Variants in LEF1 observed in about 807,000 individuals in gnomAD.
LEF1 encodes lymphoid enhancer binding factor 1.
In LEF1, 14 loss-of-function variants were observed where a neutral mutation model predicts 51.2. That is an observed-to-expected ratio of 0.27 (90% CI 0.18 to 0.43). The LOEUF (loss-of-function observed/expected upper bound fraction) is 0.43, where lower values mean the gene tolerates loss of function less well. Among genes scored for constraint, LEF1 ranks in the 20% least tolerant of loss-of-function variants. The pLI, the probability that LEF1 is intolerant of heterozygous loss-of-function variation, is 1.00. For missense variants in LEF1, 386 were observed against 512.0 expected (o/e 0.75, Z 2.37); for synonymous variants, 185 against 183.2 (o/e 1.01, Z -0.08).
At chr4:108,149,625 G>GTA (rs553191338) in intron 3 of LEF1, among the ~76,000 whole-genome samples, 14 of 146,306 alleles carry the variant, frequency 9.6e-5, no homozygotes, top group Admixed American at 4.9e-4. Context: ...ATATACATGT[G>GTA]TATATATATG....
intron 8 of LEF1, among the ~76,000 whole-genome samples, chr4:108,077,808 T>G (rs185264773): frequency 1.7e-3 from 261 of 152,350 alleles, no homozygotes; most frequent in African/African-American, 6.0e-3. Flanking sequence ...GCCTTGTGTG[T>G]GATCTTCCTG....
chr4:108,131,559 C>T (rs1742900844), intron 3 of LEF1, among the ~76,000 whole-genome samples: 1 of 152,074 alleles, frequency 6.6e-6, no homozygotes, highest in Non-Finnish European at 1.5e-5. Flanking sequence ...AGCATCAAAG[C>T]CAATCTCCAC....
At chr4:108,123,432 GTT>G (rs34015287) in intron 3 of LEF1, among the ~76,000 whole-genome samples, 26,437 of 71,984 alleles carry the variant, frequency 0.37, 4,541 homozygotes, top group Non-Finnish European at 0.44. Context: ...GCTAGGGTTG[GTT>G]TTTTTTTTTT....
chr4:108,120,092 T>C (rs1742081459), intron 3 of LEF1, among the ~76,000 whole-genome samples: 2 of 151,790 alleles, frequency 1.3e-5, no homozygotes, highest in Non-Finnish European at 2.9e-5. Flanking sequence ...AGTGCAGTGG[T>C]GTGATCACGG....
At chr4:108,061,803 C>G (rs1017489461) in intron 11 of LEF1, among the ~76,000 whole-genome samples, 3 of 152,126 alleles carry the variant, frequency 2.0e-5, no homozygotes, top group Non-Finnish European at 4.4e-5. Context: ...CGATTAATAG[C>G]CACTGAGTTA....
intron 3 of LEF1, among the ~76,000 whole-genome samples, chr4:108,135,921 G>A (rs951226026): frequency 6.6e-6 from 1 of 152,140 alleles, no homozygotes; most frequent in African/African-American, 2.4e-5. Context: ...CTGCCCAAAT[G>A]TGAACTGTAC....
Position 108,079,876 on chromosome 4 carries a change from A to T in LEF1, c.723-262T>A, listed in dbSNP as rs569248514. On this transcript the variant is annotated intron_variant, in intron 6 of 11. Transcript: ENST00000265165. Reference sequence around the variant, plus strand: ...ACGAAAAGTAATTATTGGAAATATAACACTTTATTTAAGACTTGACTTTTT... The same window carrying T: ...ACGAAAAGTAATTATTGGAAATATATCACTTTATTTAAGACTTGACTTTTT... 2.0e-5 allele frequency among the ~76,000 whole-genome samples: 3 copies of T among 152,336 alleles called. No individual in the cohort carries two copies. The South Asian group carries it at 6.2e-4, about 32-fold the overall frequency.
intron 11 of LEF1, among the ~76,000 whole-genome samples, chr4:108,054,252 T>TAC (rs967015325): frequency 3.3e-5 from 5 of 152,230 alleles, no homozygotes; most frequent in Admixed American, 3.3e-4. Context: ...GAAGCTGCTC[T>TAC]ACCTCATCAG....
At chr4:108,166,148 C>G (rs1304352091) in intron 1 of LEF1, 1 of 905,190 alleles carries the variant, frequency 1.1e-6, no homozygotes, top group Non-Finnish European at 1.6e-6. Flanking sequence ...AGTCACAAAT[C>G]TTTTACGCGG....
At chr4:108,153,545 T>C (rs1744497494) in intron 3 of LEF1, among the ~76,000 whole-genome samples, 1 of 152,234 alleles carries the variant, frequency 6.6e-6, no homozygotes, top group South Asian at 2.1e-4. Context: ...CAACGAAAGT[T>C]GAATGTAAAC....
intron 3 of LEF1, among the ~76,000 whole-genome samples, chr4:108,089,974 AT>A (rs1278154959): frequency 6.6e-6 from 1 of 152,108 alleles, no homozygotes; most frequent in Non-Finnish European, 1.5e-5. Context: ...GAACTGCATA[AT>A]ATGAAATACT....
chr4:108,078,334 G>A lies in LEF1; in HGVS notation c.894C>T (p.His298=). Residue 298 remains histidine (H), a synonymous_variant, in exon 8 of 12, where the codon CAC becomes CAT. Coordinates refer to ENST00000265165, the MANE Select transcript of LEF1 (RefSeq NM_016269.5). The part of the protein sequence containing the change: ...QRKEQEPKRP[H]IKKPLNAFML... The stretch of plus-strand genomic sequence containing the variant: ...TAAAAGCATTCAGAGGCTTCTTAAT[G>A]TGAGGTCTTTTTGGCTCCTGCTCCT... 3 of 1,614,126 alleles carry A rather than the reference G, an allele frequency of 1.9e-6. No individual in the cohort carries two copies. The highest frequency in any genetic ancestry group is 2.5e-6 in the Non-Finnish European group (3 of 1,180,028).
intron 3 of LEF1, among the ~76,000 whole-genome samples, chr4:108,135,961 A>C (rs1314897060): frequency 6.6e-6 from 1 of 152,188 alleles, no homozygotes; most frequent in Non-Finnish European, 1.5e-5. Flanking sequence ...TTGCCCATAC[A>C]TGAAGAAAAT....
intron 11 of LEF1, among the ~76,000 whole-genome samples, chr4:108,057,408 A>G (rs1205248543): frequency 1.3e-5 from 2 of 152,186 alleles, no homozygotes; most frequent in Non-Finnish European, 2.9e-5. Context: ...TGGAACAAAC[A>G]TTAGGCAAAA....
intron 3 of LEF1, among the ~76,000 whole-genome samples, chr4:108,131,174 C>T (rs1253376112): frequency 6.6e-6 from 1 of 152,034 alleles, no homozygotes; most frequent in Admixed American, 6.5e-5. Flanking sequence ...GTGGCTCATG[C>T]CTGTAATCCC....
chr4:108,135,631 C>T (rs1260490153), intron 3 of LEF1, among the ~76,000 whole-genome samples: 1 of 152,174 alleles, frequency 6.6e-6, no homozygotes, highest in Non-Finnish European at 1.5e-5. Flanking sequence ...CTCTAGGCAA[C>T]AACGCCCTGC....
chr4:108,107,363 A>T (rs1303550066), intron 3 of LEF1, among the ~76,000 whole-genome samples: 1 of 152,130 alleles, frequency 6.6e-6, no homozygotes, highest in African/African-American at 2.4e-5. Context: ...ACAAAGAGAA[A>T]AAAAGACCAG....
At chr4:108,117,205 T>C (rs1741893565) in intron 3 of LEF1, among the ~76,000 whole-genome samples, 1 of 152,194 alleles carries the variant, frequency 6.6e-6, no homozygotes, top group Admixed American at 6.5e-5. Context: ...GAGATAAATT[T>C]CTTCCTAATT....
At chr4:108,103,594 G>C (rs2110298339) in intron 3 of LEF1, among the ~76,000 whole-genome samples, 1 of 152,260 alleles carries the variant, frequency 6.6e-6, no homozygotes, top group East Asian at 1.9e-4. Flanking sequence ...ACCGGAATTT[G>C]GATATATCTA....
Sources: gnomAD v4.1 joint callset for allele counts (sites outside exome capture counted in the v4.1 genomes callset) on GRCh38, gnomAD v4.1.1 for gene constraint, MANE v1.5 for transcripts, NCBI Gene and HGNC (gene_info 2026-07-23, HGNC 2026-07-21) for gene names.